Variants in IQSEC1 observed in about 807,000 individuals in gnomAD.
IQSEC1 encodes IQ motif and Sec7 domain ArfGEF 1, also known as IQ motif and SEC7 domain-containing protein 1.
A neutral mutation model predicts 91.0 loss-of-function variants in IQSEC1; 31 were observed. The observed-to-expected ratio is 0.34, with a 90% confidence interval of 0.26 to 0.46. The LOEUF is 0.46. IQSEC1 is among the 20% of genes least tolerant of loss of function. The pLI is 1.00. For synonymous variants in IQSEC1, 699 were observed against 662.6 expected, an observed-to-expected ratio of 1.05 and a Z score of -0.84; for missense variants, 1,388 against 1,575.6, an observed-to-expected ratio of 0.88 and a Z score of 2.02.
chr3:13,253,272 G>T lies in IQSEC1; in HGVS notation c.272+29439C>A, dbSNP rs140652415. 1.4e-3 allele frequency among the ~76,000 whole-genome samples: 207 copies of T among 152,284 alleles called. 1 individual carries two copies. Among genetic ancestry groups the T allele is most frequent in the African/African-American group, 4.8e-3 (199 of 41,566 alleles). The stretch of plus-strand genomic sequence containing the variant: ...GAGAGGCTTGGTAACTTGCCATAGG[G>T]TACAGAGGCTAATACCATGAGTGGC... On this transcript the variant is annotated intron_variant, in intron 1 of 15. Coordinates refer to the IQSEC1 transcript ENST00000648114.
intron 1 of IQSEC1, among the ~76,000 whole-genome samples, chr3:12,943,215 C>A (rs1327182672): frequency 6.6e-6 from 1 of 152,154 alleles, no homozygotes; most frequent in African/African-American, 2.4e-5. Context: ...ACCCAGTGGT[C>A]CCCTCCGCCT....
chr3:12,898,514 G>C lies in IQSEC1; in HGVS notation c.*2469C>G, dbSNP rs1474525914. The C allele has an allele frequency of 6.6e-6, 1 of 152,222 alleles. No individual in the cohort carries two copies. Among genetic ancestry groups the C allele is most frequent in the Non-Finnish European group, 1.5e-5 (1 of 68,064 alleles). 9.4% of individuals were successfully genotyped at this position (152,222 alleles called of 1,614,324 possible). On this transcript the variant is annotated 3_prime_UTR_variant, in exon 14 of 14. Transcript: ENST00000613206. The stretch of plus-strand genomic sequence containing the variant: ...CAGGCTGGCAGCCCGAGGCTGTGGA[G>C]CTTGCAGGATGGCGATGGAGAGGGA...
Position 13,211,964 on chromosome 3 carries a change from C to T in IQSEC1, c.273-47831G>A, listed in dbSNP as rs1217055427. ...TTTTGAGCCCCTGTGGGCTCTGGCG[C>T]GTGTCGGTGCCCAGCCTCTGTGAGA... On this transcript the variant is annotated intron_variant, in intron 1 of 15. Coordinates refer to the IQSEC1 transcript ENST00000648114. The surrounding 1 kb of genome is among the most constrained non-coding windows in gnomAD (Gnocchi z 5.3). Among the ~76,000 whole-genome samples the T allele has an allele frequency of 2.6e-5, 4 of 152,112 alleles. No individual in the cohort carries two copies. The highest frequency in any genetic ancestry group is 6.5e-5 in the Admixed American group (1 of 15,278).
At chr3:13,062,739 A>G (rs190804557) in intron 1 of IQSEC1, among the ~76,000 whole-genome samples, 2 of 152,258 alleles carry the variant, frequency 1.3e-5, no homozygotes, top group African/African-American at 2.4e-5. Flanking sequence ...GCTCGGTGTT[A>G]TCGTGGGGCC....
chr3:13,096,864 CT>C (rs71066943), intron 2 of IQSEC1, among the ~76,000 whole-genome samples: 188 of 142,348 alleles, frequency 1.3e-3, no homozygotes, highest in Non-Finnish European at 1.6e-3. Flanking sequence ...TTCTTTCTTT[CT>C]TTTTTTTTTT....
intron 2 of IQSEC1, among the ~76,000 whole-genome samples, chr3:13,097,099 A>G (rs1020899418): frequency 3.4e-4 from 52 of 152,012 alleles, no homozygotes; most frequent in African/African-American, 1.2e-3. Context: ...TGACCTCGTG[A>G]TCCGCCCACC....
intron 2 of IQSEC1, among the ~76,000 whole-genome samples, chr3:13,112,671 G>T (rs192075261): frequency 6.6e-6 from 1 of 152,390 alleles, no homozygotes; most frequent in Admixed American, 6.5e-5. Flanking sequence ...CCGCAGCAGA[G>T]TGTGGGCTGC....
chr3:13,204,517 AC>A (rs1694305163), intron 1 of IQSEC1, among the ~76,000 whole-genome samples: 1 of 152,220 alleles, frequency 6.6e-6, no homozygotes, highest in Non-Finnish European at 1.5e-5. Flanking sequence ...GGGGCCGCCC[AC>A]CGCTAGCGAG....
At chr3:12,965,446 T>C (rs1700502005) in intron 1 of IQSEC1, among the ~76,000 whole-genome samples, 1 of 152,186 alleles carries the variant, frequency 6.6e-6, no homozygotes, top group Non-Finnish European at 1.5e-5. Flanking sequence ...ACTGGGTTGA[T>C]TTCCTCTACC....
chr3:12,904,747 A>G (rs1285950585), intron 12 of IQSEC1, among the ~76,000 whole-genome samples: 1 of 152,160 alleles, frequency 6.6e-6, no homozygotes, highest in African/African-American at 2.4e-5. Context: ...CTGACTAAAA[A>G]CCAGGGCCAG....
intron 2 of IQSEC1, among the ~76,000 whole-genome samples, chr3:13,100,597 G>T (rs1227077229): frequency 6.7e-6 from 1 of 148,674 alleles, no homozygotes; most frequent in African/African-American, 2.5e-5. Context: ...TCAGGTCAGC[G>T]GTTGGGAGTG....
In IQSEC1 at chr3:12,941,634, G is replaced by A; in HGVS notation, c.255C>T (p.Ala85=). ...SILRKQAEEE[A]IKRSRSLSES... is the part of the protein sequence containing the mutation. ...CGGAGAGTGAGCGTGAGCGCTTGAT[G>A]GCCTCCTCCTCAGCCTGCTTGCGCA... Residue 85 remains alanine, a synonymous_variant, in exon 2 of 14, where the codon GCC becomes GCT. Transcript: ENST00000613206. The A allele has an allele frequency of 6.2e-7, 1 of 1,611,862 alleles. No homozygotes were observed. Among genetic ancestry groups the A allele is most frequent in the East Asian group, 2.2e-5 (1 of 44,842 alleles).
chr3:13,251,471 T>A (rs961285008), intron 1 of IQSEC1, among the ~76,000 whole-genome samples: 1 of 152,182 alleles, frequency 6.6e-6, no homozygotes, highest in Admixed American at 6.5e-5. Flanking sequence ...AAATGAATAG[T>A]GTTTGCTGAA....
intron 1 of IQSEC1, among the ~76,000 whole-genome samples, chr3:13,067,933 G>C (rs360865): frequency 0.64 from 97,093 of 152,190 alleles, 31,438 homozygotes; most frequent in East Asian, 0.86. Flanking sequence ...GCCTTGGGGG[G>C]CTTCAACAAA....
intron 1 of IQSEC1, among the ~76,000 whole-genome samples, chr3:13,032,750 A>AT (rs904088945): frequency 3.9e-5 from 6 of 151,968 alleles, no homozygotes; most frequent in Admixed American, 3.9e-4. Context: ...CACCCAGCTA[A>AT]TTTTTTTGTA....
intron 3 of IQSEC1, among the ~76,000 whole-genome samples, chr3:12,934,174 G>A (rs191141791): frequency 2.0e-5 from 3 of 152,344 alleles, no homozygotes; most frequent in South Asian, 2.1e-4. Context: ...GAGAGCAGCC[G>A]TACTCTGCAG....
intron 1 of IQSEC1, among the ~76,000 whole-genome samples, chr3:13,181,450 C>G (rs1331564174): frequency 2.0e-5 from 3 of 152,214 alleles, no homozygotes; most frequent in East Asian, 1.9e-4. Flanking sequence ...ACATGACCTA[C>G]AGACATATAC....
intron 8 of IQSEC1, 151 bp downstream of exon 8, chr3:12,914,953 A>G: frequency 1.3e-6 from 1 of 747,908 alleles, no homozygotes; most frequent in Non-Finnish European, 2.3e-6. Context: ...GGCTGGGGTA[A>G]TTACGAACAT....
chr3:13,237,037 G>A (rs1377241222), intron 1 of IQSEC1, among the ~76,000 whole-genome samples: 3 of 152,224 alleles, frequency 2.0e-5, no homozygotes, highest in Non-Finnish European at 4.4e-5. Flanking sequence ...GGATGTGACT[G>A]TGCTCTGCTG....
Sources: gnomAD v4.1 joint callset for allele counts (sites outside exome capture counted in the v4.1 genomes callset) on GRCh38, gnomAD v4.1.1 for gene constraint, Gnocchi (gnomAD v3.1) non-coding constraint, MANE v1.5 for transcripts, NCBI Gene and HGNC (gene_info 2026-07-23, HGNC 2026-07-21) for gene names.